Variants in PTPRD observed in about 807,000 individuals in gnomAD.
PTPRD encodes the protein receptor-type tyrosine-protein phosphatase delta.
A neutral mutation model predicts 214.5 loss-of-function variants in PTPRD; 34 were observed. The ratio of observed to expected loss-of-function variants is 0.16; its 90% CI spans 0.12 to 0.21. PTPRD has a LOEUF of 0.21. Ranked by LOEUF, PTPRD falls within the 10% of genes least tolerant of loss-of-function variation. PTPRD has a pLI of 1.00. For synonymous variants in PTPRD, 1,128 were observed against 845.7 expected, an observed-to-expected ratio of 1.33 and a Z score of -5.79; for missense variants, 2,545 against 2,398.7, an observed-to-expected ratio of 1.06 and a Z score of -1.27.
intron 3 of PTPRD, among the ~76,000 whole-genome samples, chr9:10,178,461 G>A (rs1593262002): frequency 6.6e-6 from 1 of 151,888 alleles, no homozygotes; most frequent in African/African-American, 2.4e-5. Context: ...GCCAAAATTT[G>A]TAGGAAAGGA....
intron 11 of PTPRD, among the ~76,000 whole-genome samples, chr9:8,967,885 T>A (rs2099208695): frequency 6.6e-6 from 1 of 152,086 alleles, no homozygotes; most frequent in South Asian, 2.1e-4. Flanking sequence ...GTATATCTCC[T>A]AAAGCTATCC....
At chr9:8,422,836 G>C (rs1181245497) in intron 35 of PTPRD, among the ~76,000 whole-genome samples, 2 of 152,194 alleles carry the variant, frequency 1.3e-5, no homozygotes, top group East Asian at 3.8e-4. Flanking sequence ...AGATGACAAG[G>C]AGGTCAATTA....
At chr9:10,446,098 T>C (rs988681745) in intron 2 of PTPRD, among the ~76,000 whole-genome samples, 3 of 151,924 alleles carry the variant, frequency 2.0e-5, no homozygotes, top group African/African-American at 7.3e-5. Flanking sequence ...ATGTTCAGCC[T>C]CTAGAAAAAG....
intron 9 of PTPRD, among the ~76,000 whole-genome samples, chr9:9,202,993 C>G (rs1294504401): frequency 6.6e-6 from 1 of 152,164 alleles, no homozygotes; most frequent in Admixed American, 6.6e-5. Context: ...CTCACATCAA[C>G]CGTCTTTATC....
At chr9:9,166,368 T>C (rs1461431724) in intron 10 of PTPRD, among the ~76,000 whole-genome samples, 1 of 152,130 alleles carries the variant, frequency 6.6e-6, no homozygotes, top group South Asian at 2.1e-4. Flanking sequence ...CTCCTTCCAC[T>C]CCATCCACAG....
In PTPRD at chr9:9,461,186, G is replaced by T. The variant is rs183184869; in HGVS notation, c.-236-63704C>A. ...GGATCTAAAATGTAGGAGAATGGAAGTAGGGTTGAGGTTAAAAAAAAACTA... is the reference window on the plus strand; with the variant it reads ...GGATCTAAAATGTAGGAGAATGGAATTAGGGTTGAGGTTAAAAAAAAACTA... On this transcript the variant is annotated intron_variant, in intron 8 of 45. Coordinates refer to ENST00000381196, the MANE Select transcript of PTPRD (RefSeq NM_002839.4). 2.4e-5 allele frequency among the ~76,000 whole-genome samples: 3 copies of T among 127,394 alleles called. No homozygotes were observed. In the East Asian group the frequency reaches 8.1e-4, roughly 34 times the overall value. 83.6% of individuals were successfully genotyped at this position (127,394 alleles called of 152,430 possible). A position where few individuals can be genotyped will look rare whatever the true frequency, so the allele number is the denominator to read the frequency against.
In PTPRD at chr9:8,316,697, T is replaced by C; in HGVS notation, c.*1177A>G. 4.3e-6 allele frequency: 1 copy of C among 230,768 alleles called. No homozygotes were observed. Among genetic ancestry groups the C allele is most frequent in the Non-Finnish European group, 8.6e-6 (1 of 116,298 alleles). 14.3% of individuals were successfully genotyped at this position (230,768 alleles called of 1,614,324 possible). ...CCTGACTAACAAACAAACAAAACAA[T>C]TTGTGGATGTGATTGATTGGTTAGG... is the stretch of plus-strand genomic sequence containing the variant. On this transcript the variant is annotated 3_prime_UTR_variant, in exon 46 of 46. Transcript: ENST00000381196.
At chr9:9,440,750 T>G (rs1272291225) in intron 8 of PTPRD, among the ~76,000 whole-genome samples, 1 of 152,222 alleles carries the variant, frequency 6.6e-6, no homozygotes, top group Admixed American at 6.5e-5. Flanking sequence ...TATCTTCTTG[T>G]GTTAAACAGA....
intron 12 of PTPRD, among the ~76,000 whole-genome samples, chr9:8,661,234 G>C (rs892526076): frequency 2.6e-5 from 4 of 152,040 alleles, no homozygotes; most frequent in African/African-American, 4.8e-5. Flanking sequence ...TATTATAATG[G>C]TCAGAGAAAA....
At position 10,050,559 on chromosome 9, in the gene PTPRD, C is replaced by CAAAAAAAAAAAA. The variant is rs1164243746; in HGVS notation, c.-544-16781_-544-16770dup. ...TGGGCAATAAAGAGAGAGTCTGTCTCAAAAAAAAAAAAAAAAAAAAAAAAA... is the reference window on the plus strand; with the variant it reads ...TGGGCAATAAAGAGAGAGTCTGTCTCAAAAAAAAAAAAAAAAAAAAAAAAAAAAAAAAAAAAA... On this transcript the variant is annotated intron_variant, in intron 3 of 45. Coordinates refer to ENST00000381196, the MANE Select transcript of PTPRD (RefSeq NM_002839.4). Among the ~76,000 whole-genome samples the CAAAAAAAAAAAA allele has an allele frequency of 4.3e-3, 60 of 14,008 alleles. 9 individuals are homozygous for CAAAAAAAAAAAA. The highest frequency in any genetic ancestry group is 0.05 in the Middle Eastern group (1 of 20). The allele number at this position is 14,008 out of a possible 152,430, so 9.2% of individuals were successfully genotyped here. A position where few individuals can be genotyped will look rare whatever the true frequency, so the allele number is the denominator to read the frequency against.
At chr9:10,517,159 G>A (rs984353701) in intron 2 of PTPRD, among the ~76,000 whole-genome samples, 3 of 151,906 alleles carry the variant, frequency 2.0e-5, no homozygotes, top group African/African-American at 4.8e-5. Context: ...ATTTTAGGTA[G>A]TATAGACATG....
chr9:10,564,171 CTTTTTT>C lies in PTPRD; in HGVS notation c.-600+48221_-600+48226del, dbSNP rs71332760. ...GTGTGCACCACCACACTAGGCTATT[CTTTTTT>C]TTTTTTTTTTTTTTTTTTGAGACAT... On this transcript the variant is annotated intron_variant, in intron 2 of 45. Coordinates refer to ENST00000381196, the MANE Select transcript of PTPRD (RefSeq NM_002839.4). Among the ~76,000 whole-genome samples the C allele has an allele frequency of 2.0e-4, 6 of 29,408 alleles. 1 individual carries two copies. The highest frequency in any genetic ancestry group is 1.7e-3 in the South Asian group (1 of 600). 19.3% of individuals were successfully genotyped at this position (29,408 alleles called of 152,430 possible). A position where few individuals can be genotyped will look rare whatever the true frequency, so the allele number is the denominator to read the frequency against.
At chr9:9,538,795 A>C (rs969339787) in intron 8 of PTPRD, among the ~76,000 whole-genome samples, 1 of 151,970 alleles carries the variant, frequency 6.6e-6, no homozygotes, top group Non-Finnish European at 1.5e-5. Flanking sequence ...CTTTGGTTCA[A>C]AAAAGGAGTC....
chr9:9,403,633 T>G (rs575773411), intron 8 of PTPRD, among the ~76,000 whole-genome samples: 1 of 152,208 alleles, frequency 6.6e-6, no homozygotes, highest in African/African-American at 2.4e-5. Flanking sequence ...AACAAATCAG[T>G]AAGTAAATAC....
intron 3 of PTPRD, among the ~76,000 whole-genome samples, chr9:10,173,700 C>T (rs1475598097): frequency 2.6e-5 from 4 of 151,662 alleles, no homozygotes; most frequent in Admixed American, 2.6e-4. Context: ...CAGAAAATAA[C>T]AAAGACTCAT....
At chr9:10,572,935 T>C (rs1023114274) in intron 2 of PTPRD, among the ~76,000 whole-genome samples, 1 of 152,164 alleles carries the variant, frequency 6.6e-6, no homozygotes, top group Non-Finnish European at 1.5e-5. Flanking sequence ...TTTTGTTTTA[T>C]AGCATGTGTG....
chr9:8,731,971 G>C (rs2098664320), intron 12 of PTPRD, among the ~76,000 whole-genome samples: 1 of 152,152 alleles, frequency 6.6e-6, no homozygotes, highest in Admixed American at 6.5e-5. Context: ...TCTTAAGGTT[G>C]AAAGCTGGTA....
intron 5 of PTPRD, among the ~76,000 whole-genome samples, chr9:9,768,417 A>AAATGATATTTC (rs1375533267): frequency 2.0e-5 from 3 of 152,228 alleles, no homozygotes; most frequent in Admixed American, 2.0e-4. Context: ...TCTTATTCAT[A>AAATGATATTTC]AATGATATTT....
At chr9:8,394,741 G>T (rs2090624308) in intron 36 of PTPRD, among the ~76,000 whole-genome samples, 1 of 152,104 alleles carries the variant, frequency 6.6e-6, no homozygotes, top group African/African-American at 2.4e-5. Flanking sequence ...CTCAGATTAG[G>T]TAGGAACGCA....
Sources: gnomAD v4.1 joint callset for allele counts (sites outside exome capture counted in the v4.1 genomes callset) on GRCh38, gnomAD v4.1.1 for gene constraint, MANE v1.5 for transcripts, NCBI Gene and HGNC (gene_info 2026-07-23, HGNC 2026-07-21) for gene names.